The following SLC44A5 variants were observed in gnomAD, a reference collection of about 807,000 sequenced individuals.
SLC44A5 encodes the protein solute carrier family 44 member 5, also known as choline transporter-like protein 5.
SLC44A5 carries 57 observed loss-of-function variants against 101.8 expected under a neutral mutation model. The ratio of observed to expected loss-of-function variants is 0.56; its 90% CI spans 0.45 to 0.70. SLC44A5 has a LOEUF of 0.70. SLC44A5 is among the 30% of genes least tolerant of loss of function. SLC44A5 has a pLI of 0.00. For synonymous variants in SLC44A5, 281 were observed against 290.9 expected (o/e 0.97, Z 0.35); for missense variants, 737 against 853.1 (o/e 0.86, Z 1.70).
At chr1:75,528,663 C>T (rs1248253037) in intron 2 of SLC44A5, among the ~76,000 whole-genome samples, 2 of 152,194 alleles carry the variant, frequency 1.3e-5, no homozygotes, top group African/African-American at 4.8e-5. Context: ...TTAATCATTT[C>T]TCTGCTGGAA....
At chr1:75,541,925 T>C (rs779598624) in intron 1 of SLC44A5, among the ~76,000 whole-genome samples, 1 of 152,196 alleles carries the variant, frequency 6.6e-6, no homozygotes, top group South Asian at 2.1e-4. Flanking sequence ...TGGTGGTGGA[T>C]GACATTTTTG....
At chr1:75,302,104 G>GTTTTTTTTTTTTTTTTTTTTTTTT (rs1204998592) in intron 4 of SLC44A5, among the ~76,000 whole-genome samples, 1 of 49,590 alleles carries the variant, frequency 2.0e-5, no homozygotes, top group African/African-American at 9.5e-5. Context: ...AGGTGCTCTA[G>GTTTTTTTTTTTTTTTTTTTTTTTT]TTTTTTTGTT....
intron 12 of SLC44A5, among the ~76,000 whole-genome samples, chr1:75,231,989 G>T (rs1427575202): frequency 1.3e-5 from 2 of 152,124 alleles, no homozygotes; most frequent in Non-Finnish European, 2.9e-5. Flanking sequence ...GGAAATTTCA[G>T]TAGAAAAAAT....
intron 12 of SLC44A5, among the ~76,000 whole-genome samples, chr1:75,229,242 A>G (rs766258010): frequency 2.0e-5 from 3 of 151,846 alleles, no homozygotes; most frequent in Non-Finnish European, 4.4e-5. Context: ...CTCTTGCCTC[A>G]CCATGGTCTA....
In SLC44A5 at chr1:75,296,381, T is replaced by A. The variant is rs902251700; in HGVS notation, c.175+4231A>T. On this transcript the variant is annotated intron_variant, in intron 5 of 23. Transcript: ENST00000370859. ...GTTTTTTTTTCTTTTTTTTTTTTTT[T>A]AATATTCCCTCCAAATGTAAATACA... 6.0e-4 allele frequency among the ~76,000 whole-genome samples: 73 copies of A among 121,936 alleles called. 1 individual carries two copies. The highest frequency in any genetic ancestry group is 2.0e-3 in the African/African-American group (64 of 32,626). 80.0% of individuals were successfully genotyped at this position (121,936 alleles called of 152,430 possible).
chr1:75,684,252 A>G, the SLC44A5 span, among the ~76,000 whole-genome samples: 1 of 152,144 alleles, frequency 6.6e-6, no homozygotes, highest in Admixed American at 6.5e-5. Flanking sequence ...GATTATTACA[A>G]TTCAAAGTGA....
chr1:75,255,801 T>C (rs559736316), intron 6 of SLC44A5, among the ~76,000 whole-genome samples: 2 of 152,272 alleles, frequency 1.3e-5, no homozygotes, highest in African/African-American at 4.8e-5. Context: ...ATGATGTATG[T>C]GAATTCTACT....
chr1:75,433,820 T>C (rs1040913373), intron 2 of SLC44A5, among the ~76,000 whole-genome samples: 2 of 152,112 alleles, frequency 1.3e-5, no homozygotes, highest in Admixed American at 6.6e-5. Context: ...AGAGGTTTAA[T>C]TGATTCACAG....
chr1:75,481,457 C>G (rs12086977), intron 2 of SLC44A5, among the ~76,000 whole-genome samples: 35,049 of 151,876 alleles, frequency 0.23, 4,946 homozygotes, highest in African/African-American at 0.4. Context: ...TACCATCAGA[C>G]TGAACAGGCA....
At chr1:75,205,550 C>G (rs1023039841) in intron 23 of SLC44A5, 1 of 152,178 alleles carries the variant, frequency 6.6e-6, no homozygotes, top group Non-Finnish European at 1.5e-5. Context: ...TGGCAGGTGG[C>G]AACAACTTTC....
chr1:75,331,011 C>CT (rs1657014127), intron 4 of SLC44A5, among the ~76,000 whole-genome samples: 1 of 148,134 alleles, frequency 6.8e-6, no homozygotes, highest in East Asian at 2.0e-4. Context: ...ATTCTCCTGC[C>CT]TTTTCTCCAA....
chr1:75,695,481 G>A, the SLC44A5 span, among the ~76,000 whole-genome samples: 577 of 152,050 alleles, frequency 3.8e-3, 3 homozygotes, highest in African/African-American at 0.013. Context: ...AAATGACCAC[G>A]TTTGACTTCT....
At chr1:75,656,199 A>C in the SLC44A5 span, among the ~76,000 whole-genome samples, 1 of 152,226 alleles carries the variant, frequency 6.6e-6, no homozygotes, top group Non-Finnish European at 1.5e-5. Context: ...AGACTTTCTC[A>C]GGCAAACAAA....
chr1:75,695,934 G>A, the SLC44A5 span, among the ~76,000 whole-genome samples: 1 of 151,272 alleles, frequency 6.6e-6, no homozygotes, highest in Admixed American at 6.6e-5. Flanking sequence ...AGTGAAGCTG[G>A]GAAAGTCTTA....
chr1:75,214,903 A>G (rs542754925), intron 19 of SLC44A5, among the ~76,000 whole-genome samples: 86 of 152,280 alleles, frequency 5.6e-4, no homozygotes, highest in African/African-American at 2.0e-3. Flanking sequence ...TATGCCCTCA[A>G]ACTCTGGGGG....
At chr1:75,575,024 T>C (rs1673282507) in intron 1 of SLC44A5, among the ~76,000 whole-genome samples, 1 of 152,106 alleles carries the variant, frequency 6.6e-6, no homozygotes. Context: ...GTACTATCAC[T>C]CCTATTTTCT....
intron 3 of SLC44A5, among the ~76,000 whole-genome samples, chr1:75,359,547 C>T (rs1030283726): frequency 6.6e-6 from 1 of 151,848 alleles, no homozygotes; most frequent in South Asian, 2.1e-4. Flanking sequence ...AGCTATACCA[C>T]ATTTTCTTTA....
intron 1 of SLC44A5, among the ~76,000 whole-genome samples, chr1:75,542,232 C>G (rs1376002444): frequency 2.0e-5 from 3 of 151,908 alleles, no homozygotes; most frequent in East Asian, 1.9e-4. Context: ...TACCATGTAC[C>G]CTTCACCCAG....
the SLC44A5 span, among the ~76,000 whole-genome samples, chr1:75,657,651 A>C: frequency 6.6e-6 from 1 of 152,168 alleles, no homozygotes; most frequent in Non-Finnish European, 1.5e-5. Flanking sequence ...ATAGATTTCA[A>C]GTCAAAAACT....
Sources: allele counts gnomAD v4.1 joint callset (sites outside exome capture counted in the v4.1 genomes callset), GRCh38; gene constraint gnomAD v4.1.1; transcripts MANE v1.5; gene names NCBI Gene and HGNC (gene_info 2026-07-23, HGNC 2026-07-21).